SSH2: variants seen among roughly 807,000 people sequenced by gnomAD.
SSH2 encodes slingshot protein phosphatase 2.
Under a neutral mutation model 135.2 loss-of-function variants are expected in SSH2, and 37 were observed. The observed-to-expected ratio is 0.27, with a 90% confidence interval of 0.21 to 0.36. The LOEUF (loss-of-function observed/expected upper bound fraction) is 0.36. Among genes scored for constraint, SSH2 ranks in the 10% least tolerant of loss-of-function variants. SSH2 has a pLI of 1.00. For synonymous variants in SSH2, 628 were observed against 646.2 expected (o/e 0.97, Z 0.43); for missense variants, 1,408 against 1,765.3 (o/e 0.80, Z 3.63).
In SSH2 at chr17:29,632,057, G is replaced by A. The variant is rs755899988; in HGVS notation, c.3137C>T (p.Thr1046Ile). Residue 1046 changes from threonine (T) to isoleucine (I), a missense_variant, in exon 16 of 16, where the codon ACA becomes ATA. Around this residue, in one of 3 missense-constraint regions of SSH2, gnomAD observed 1,080 missense variants for 1,144.5 expected, o/e 0.94. Coordinates refer to ENST00000540801, the MANE Select transcript of SSH2 (RefSeq NM_001282129.2). The stretch of plus-strand genomic sequence containing the variant: ...CCCTGGCCCAGTGTGATTGGGTGAT[G>A]TAACTATGTGGGTATATTCAATGAT... ...VEIIEYTHIV[T>I]SPNHTGPGSE... 7 of 1,614,224 alleles carry A rather than the reference G, an allele frequency of 4.3e-6. No homozygotes were observed. Among genetic ancestry groups the A allele is most frequent in the South Asian group, 3.3e-5 (3 of 91,086 alleles).
intron 3 of SSH2, among the ~76,000 whole-genome samples, chr17:29,714,732 T>G (rs2039556697): frequency 6.6e-6 from 1 of 152,192 alleles, no homozygotes; most frequent in Non-Finnish European, 1.5e-5. Context: ...CACGAGTTCT[T>G]GATGGACTTA....
chr17:29,678,521 A>C (rs955419342), intron 6 of SSH2, among the ~76,000 whole-genome samples: 2 of 152,154 alleles, frequency 1.3e-5, no homozygotes, highest in Non-Finnish European at 2.9e-5. Context: ...AGGCAAAGGG[A>C]ATTAAAAAAT....
At chr17:29,907,852 T>C (rs1437359466) in intron 1 of SSH2, among the ~76,000 whole-genome samples, 2 of 139,952 alleles carry the variant, frequency 1.4e-5, no homozygotes, top group Non-Finnish European at 1.5e-5. Context: ...AGGATCTCAC[T>C]CTGTCACCCA....
intron 1 of SSH2, among the ~76,000 whole-genome samples, chr17:29,852,980 A>G (rs2065592001): frequency 6.6e-6 from 1 of 151,924 alleles, no homozygotes; most frequent in African/African-American, 2.4e-5. Context: ...AAACTACACA[A>G]TTATTTAAAT....
chr17:29,762,301 C>T (rs890862606), intron 3 of SSH2, among the ~76,000 whole-genome samples: 4 of 152,132 alleles, frequency 2.6e-5, no homozygotes, highest in African/African-American at 9.7e-5. Context: ...AGCCATCCCC[C>T]AATTCAAAGA....
At chr17:29,812,941 CAA>C (rs1012185634) in intron 2 of SSH2, among the ~76,000 whole-genome samples, 2 of 151,130 alleles carry the variant, frequency 1.3e-5, no homozygotes, top group Non-Finnish European at 3.0e-5. Flanking sequence ...TATTCAAAAC[CAA>C]AAGTGTATAC....
intron 3 of SSH2, among the ~76,000 whole-genome samples, chr17:29,706,105 C>T (rs2039189800): frequency 6.6e-6 from 1 of 152,114 alleles, no homozygotes; most frequent in East Asian, 1.9e-4. Flanking sequence ...GTATGTCTGT[C>T]CTGTCACTGT....
intron 1 of SSH2, among the ~76,000 whole-genome samples, chr17:29,913,358 A>AAAAAAAAAAAAAAT (rs1567650109): frequency 1.2e-5 from 1 of 80,268 alleles, no homozygotes; most frequent in Non-Finnish European, 2.4e-5. Context: ...ATATATATAT[A>AAAAAAAAAAAAAAT]TATATATATA....
At chr17:29,740,716 G>C (rs190373701) in intron 3 of SSH2, among the ~76,000 whole-genome samples, 21 of 152,248 alleles carry the variant, frequency 1.4e-4, no homozygotes, top group Non-Finnish European at 2.8e-4. Context: ...CATAGTCCTA[G>C]TCATTAAAAT....
chr17:29,740,021 G>C (rs1473762620), intron 3 of SSH2, among the ~76,000 whole-genome samples: 1 of 152,196 alleles, frequency 6.6e-6, no homozygotes, highest in Non-Finnish European at 1.5e-5. Flanking sequence ...TTCAGTTTTT[G>C]ATGCCTCCAT....
rs1227054884 is a variant in SSH2 at position 29,627,573 on chromosome 17, C to T, written c.*3268G>A. 1 of 152,512 alleles carries T rather than the reference C, an allele frequency of 6.6e-6. No homozygotes were observed. Among genetic ancestry groups the T allele is most frequent in the Non-Finnish European group, 1.5e-5 (1 of 68,030 alleles). 9.4% of individuals were successfully genotyped at this position (152,512 alleles called of 1,614,324 possible). ...AGACACAGAACAAGGAAATCCATAA[C>T]CCTGTCTCAAGCCTCCTCAGAACCA... On this transcript the variant is annotated 3_prime_UTR_variant, in exon 16 of 16. Coordinates refer to ENST00000540801, the MANE Select transcript of SSH2 (RefSeq NM_001282129.2).
chr17:29,716,052 T>A (rs1046952318), intron 3 of SSH2, among the ~76,000 whole-genome samples: 2 of 152,168 alleles, frequency 1.3e-5, no homozygotes, highest in Non-Finnish European at 2.9e-5. Context: ...TCAATTACTT[T>A]CTCTCACCTG....
chr17:29,847,235 C>T (rs2043147046), intron 2 of SSH2, among the ~76,000 whole-genome samples: 2 of 152,074 alleles, frequency 1.3e-5, no homozygotes. Context: ...CTCACAGTGC[C>T]ATCCCTAATC....
chr17:29,759,988 A>G (rs1272812630), intron 3 of SSH2, among the ~76,000 whole-genome samples: 1 of 152,218 alleles, frequency 6.6e-6, no homozygotes, highest in Non-Finnish European at 1.5e-5. Context: ...TGGAGCTTTT[A>G]CAGTACAGGG....
rs572227472 is a variant in SSH2, at chr17:29,901,281, TA to T, written c.63+28656del. Among the ~76,000 whole-genome samples the T allele has an allele frequency of 1.4e-3, 207 of 147,852 alleles. 2 individuals are homozygous for T. The highest frequency in any genetic ancestry group is 0.01 in the Middle Eastern group (3 of 290). On this transcript the variant is annotated intron_variant, in intron 1 of 15. Coordinates refer to ENST00000540801, the MANE Select transcript of SSH2 (RefSeq NM_001282129.2). ...TACCCTAAAACTTAAAGTATAATAA[TA>T]AAAAAAAAACAATGTTTTCTCTCTC...
At chr17:29,857,055 C>T (rs1393819699) in intron 1 of SSH2, among the ~76,000 whole-genome samples, 1 of 152,096 alleles carries the variant, frequency 6.6e-6, no homozygotes, top group East Asian at 1.9e-4. Context: ...CATGTCCTCA[C>T]ATTTCAAAAC....
chr17:29,683,773 GAAAAAAAAA>G (rs762331303), intron 6 of SSH2, among the ~76,000 whole-genome samples: 1 of 119,820 alleles, frequency 8.3e-6, no homozygotes, highest in African/African-American at 3.1e-5. Flanking sequence ...GAAAAATAAG[GAAAAAAAAA>G]AAAAAAAGAC....
At chr17:29,742,480 A>AC (rs2040593784) in intron 3 of SSH2, among the ~76,000 whole-genome samples, 1 of 33,876 alleles carries the variant, frequency 3.0e-5, no homozygotes, top group Non-Finnish European at 5.6e-5. Context: ...CACCACACCC[A>AC]GTTTTTTTTT....
intron 3 of SSH2, among the ~76,000 whole-genome samples, chr17:29,752,629 A>G (rs2040980862): frequency 6.6e-6 from 1 of 152,176 alleles, no homozygotes; most frequent in African/African-American, 2.4e-5. Flanking sequence ...GTTTTTAAAA[A>G]GCAACATGCA....
Sources: allele counts gnomAD v4.1 joint callset (sites outside exome capture counted in the v4.1 genomes callset), GRCh38; gene constraint gnomAD v4.1.1; regional missense constraint gnomAD v4.1.1; transcripts MANE v1.5; gene names NCBI Gene and HGNC (gene_info 2026-07-23, HGNC 2026-07-21).